Variants in PTN observed in about 807,000 individuals in gnomAD.
The protein encoded by PTN is pleiotrophin.
PTN carries 18 observed loss-of-function variants against 24.1 expected under a neutral mutation model. The ratio of observed to expected loss-of-function variants is 0.75; its 90% confidence interval spans 0.52 to 1.11. The LOEUF (loss-of-function observed/expected upper bound fraction) is 1.11. Ranked by LOEUF, PTN falls within the 50% of genes least tolerant of loss-of-function variation. PTN has a pLI of 0.00. For synonymous variants in PTN, 78 were observed against 68.6 expected (o/e 1.14, Z -0.67); for missense variants, 163 against 198.8 (o/e 0.82, Z 1.08).
chr7:137,272,184 C>A (rs10215890), intron 1 of PTN, among the ~76,000 whole-genome samples: 29,499 of 152,074 alleles, frequency 0.19, 3,425 homozygotes, highest in African/African-American at 0.31. Flanking sequence ...TCCTTCTAAA[C>A]CACAATCTGC....
intron 1 of PTN, among the ~76,000 whole-genome samples, chr7:137,257,134 TATCA>T (rs1260293940): frequency 6.6e-6 from 1 of 152,238 alleles, no homozygotes; most frequent in African/African-American, 2.4e-5. Flanking sequence ...ATATTTCACT[TATCA>T]ATTAAAATTA....
intron 1 of PTN, among the ~76,000 whole-genome samples, chr7:137,316,524 A>G (rs536189441): frequency 6.6e-6 from 1 of 152,322 alleles, no homozygotes; most frequent in African/African-American, 2.4e-5. Flanking sequence ...AACTTTATAA[A>G]GGCAGGCCAA....
At chr7:137,318,517 A>G (rs1426066045) in intron 1 of PTN, 1 of 152,230 alleles carries the variant, frequency 6.6e-6, no homozygotes, top group Non-Finnish European at 1.5e-5. Context: ...ATATAATTTT[A>G]AGAAAATAAA....
chr7:137,295,198 A>C (rs1303901186), intron 1 of PTN, among the ~76,000 whole-genome samples: 1 of 152,204 alleles, frequency 6.6e-6, no homozygotes, highest in Non-Finnish European at 1.5e-5. Flanking sequence ...TTATTCATTC[A>C]ATCAGTCATT....
chr7:137,264,531 C>G (rs946291107), intron 1 of PTN, among the ~76,000 whole-genome samples: 2 of 152,148 alleles, frequency 1.3e-5, no homozygotes, highest in Non-Finnish European at 2.9e-5. Context: ...CGAAGCTGCT[C>G]CCATCCACGT....
chr7:137,318,612 C>T (rs1204816292), intron 1 of PTN: 1 of 152,140 alleles, frequency 6.6e-6, no homozygotes, highest in African/African-American at 2.4e-5. Context: ...CGAATTAATA[C>T]GTGAATGAAC....
intron 4 of PTN, among the ~76,000 whole-genome samples, chr7:137,233,989 C>T (rs1300278924): frequency 1.3e-5 from 2 of 150,960 alleles, no homozygotes; most frequent in Admixed American, 6.6e-5. Flanking sequence ...TATATACACA[C>T]ACACATACAT....
chr7:137,284,556 A>C (rs1408350071), intron 1 of PTN, among the ~76,000 whole-genome samples: 1 of 152,212 alleles, frequency 6.6e-6, no homozygotes, highest in Non-Finnish European at 1.5e-5. Context: ...TAGTTCTCTG[A>C]GAAAGTGGTT....
chr7:137,309,876 C>T (rs1476589008), intron 1 of PTN, among the ~76,000 whole-genome samples: 1 of 152,156 alleles, frequency 6.6e-6, no homozygotes, highest in African/African-American at 2.4e-5. Context: ...TTCTTCCAAA[C>T]TTTTGCTAAT....
At chr7:137,260,174 CAT>C (rs1296255580) in intron 1 of PTN, among the ~76,000 whole-genome samples, 1 of 152,110 alleles carries the variant, frequency 6.6e-6, no homozygotes, top group East Asian at 1.9e-4. Flanking sequence ...AGAGTAGCCT[CAT>C]ATGAGAGTAA....
rs559402558 is a variant in PTN, at chr7:137,294,555, C to A, written c.-1-39581G>T. On this transcript the variant is annotated intron_variant, in intron 1 of 4. Coordinates refer to ENST00000348225, the MANE Select transcript of PTN (RefSeq NM_002825.7). ...CAAATTAGAATCACCTACTCCCTACCAGGCCATCCCATGCCCCACCAAGAG... is the reference window on the plus strand; with the variant it reads ...CAAATTAGAATCACCTACTCCCTACAAGGCCATCCCATGCCCCACCAAGAG... 2.6e-5 allele frequency among the ~76,000 whole-genome samples: 4 copies of A among 152,164 alleles called. No homozygotes were observed. The South Asian group carries it at 8.3e-4, about 32-fold the overall frequency.
At chr7:137,238,909 G>A (rs767889543) in intron 4 of PTN, among the ~76,000 whole-genome samples, 1 of 152,128 alleles carries the variant, frequency 6.6e-6, no homozygotes, top group East Asian at 1.9e-4. Context: ...CAATTTGGAA[G>A]TTAGAAGACA....
chr7:137,243,214 T>A (rs1353794593), intron 4 of PTN, among the ~76,000 whole-genome samples: 1 of 152,166 alleles, frequency 6.6e-6, no homozygotes, highest in Non-Finnish European at 1.5e-5. Flanking sequence ...GGATTACAGG[T>A]GTGAGCCACT....
intron 1 of PTN, among the ~76,000 whole-genome samples, chr7:137,307,602 T>TATATATATA (rs1193153730): frequency 7.7e-6 from 1 of 130,490 alleles, no homozygotes; most frequent in African/African-American, 2.5e-5. Context: ...TCTATGACTA[T>TATATATATA]ATATATATAT....
chr7:137,261,291 C>A (rs1224943261), intron 1 of PTN, among the ~76,000 whole-genome samples: 1 of 151,874 alleles, frequency 6.6e-6, no homozygotes, highest in Non-Finnish European at 1.5e-5. Context: ...TTATTTCCAG[C>A]CCATTTTCTG....
chr7:137,235,090 G>C (rs542659944), intron 4 of PTN, among the ~76,000 whole-genome samples: 1 of 152,146 alleles, frequency 6.6e-6, no homozygotes, highest in South Asian at 2.1e-4. Flanking sequence ...ACCACTGAAA[G>C]TTCACTTTTG....
intron 1 of PTN, among the ~76,000 whole-genome samples, chr7:137,314,660 T>C (rs1421796836): frequency 3.4e-5 from 5 of 145,316 alleles, no homozygotes; most frequent in Non-Finnish European, 7.5e-5. Context: ...CATGGTGTGA[T>C]CTCGACTCAC....
chr7:137,335,907 C>T (rs1279881517), intron 1 of PTN, among the ~76,000 whole-genome samples: 3 of 149,832 alleles, frequency 2.0e-5, no homozygotes, highest in Non-Finnish European at 4.4e-5. Context: ...TCAGTTCAGC[C>T]TCATTTAAGA....
At chr7:137,228,800 G>A (rs1345182720) in intron 4 of PTN, among the ~76,000 whole-genome samples, 1 of 151,788 alleles carries the variant, frequency 6.6e-6, no homozygotes, top group African/African-American at 2.4e-5. Flanking sequence ...TTCCTAACAG[G>A]AGAATGCAAT....
Sources: gnomAD v4.1 joint callset for allele counts (sites outside exome capture counted in the v4.1 genomes callset) on GRCh38, gnomAD v4.1.1 for gene constraint, MANE v1.5 for transcripts, NCBI Gene and HGNC (gene_info 2026-07-23, HGNC 2026-07-21) for gene names.